NHS: variants seen among roughly 807,000 people sequenced by gnomAD.
NHS encodes actin remodeling regulator NHS.
NHS carries 5 observed loss-of-function variants against 72.5 expected under a neutral mutation model. The observed-to-expected ratio is 0.07, with a 90% CI of 0.04 to 0.14. The LOEUF is 0.14. Ranked by LOEUF, NHS falls within the 10% of genes least tolerant of loss-of-function variation. The pLI is 1.00. For missense variants in NHS, 1,072 were observed against 1,355.7 expected (o/e 0.79, Z 3.29); for synonymous variants, 464 against 547.7 (o/e 0.85, Z 2.13).
chrX:17,395,503 A>G (rs991302486), intron 1 of NHS, among the ~76,000 whole-genome samples: 8 of 112,652 alleles, frequency 7.1e-5, no homozygotes, highest in African/African-American at 2.6e-4. Flanking sequence ...CCTCATGGAC[A>G]CACAAGTTTC....
chrX:17,482,439 C>T, intron 1 of NHS, among the ~76,000 whole-genome samples: 1 of 112,657 alleles, frequency 8.9e-6, no homozygotes, highest in Non-Finnish European at 1.9e-5. Flanking sequence ...ATTTTTCCAA[C>T]CTCCAAAACA....
intron 1 of NHS, among the ~76,000 whole-genome samples, chrX:17,584,995 T>G (rs1330153772): frequency 8.9e-6 from 1 of 111,748 alleles, no homozygotes; most frequent in African/African-American, 3.3e-5. Context: ...TTTATTTATT[T>G]TCGTGAGGAT....
chrX:17,385,680 C>A (rs2064403400), intron 1 of NHS, among the ~76,000 whole-genome samples: 1 of 111,750 alleles, frequency 8.9e-6, no homozygotes, highest in Non-Finnish European at 1.9e-5. Flanking sequence ...AAGCATTTAA[C>A]CACCTTTTAC....
chrX:17,555,178 G>A (rs1387393909), intron 1 of NHS, among the ~76,000 whole-genome samples: 2 of 110,175 alleles, frequency 1.8e-5, no homozygotes, highest in African/African-American at 3.3e-5. Flanking sequence ...GATGCTGAGG[G>A]GGACTGTGTG....
At chrX:17,495,134 C>G (rs769013103) in intron 1 of NHS, among the ~76,000 whole-genome samples, 8 of 111,857 alleles carry the variant, frequency 7.2e-5, no homozygotes, top group Non-Finnish European at 1.5e-4. Flanking sequence ...CTCCTCACCC[C>G]TTGCCTCCAA....
intron 1 of NHS, among the ~76,000 whole-genome samples, chrX:17,428,141 C>T (rs764475009): frequency 3.6e-5 from 4 of 112,375 alleles, no homozygotes; most frequent in Non-Finnish European, 7.5e-5. Flanking sequence ...GATCAGGGTA[C>T]GTGACCTAAC....
chrX:17,396,085 A>G (rs2064473049), intron 1 of NHS, among the ~76,000 whole-genome samples: 1 of 112,118 alleles, frequency 8.9e-6, no homozygotes, highest in Admixed American at 9.5e-5. Flanking sequence ...GTTACCAAAT[A>G]CTGTGCATTT....
At chrX:17,628,099 C>T (rs763592936) in intron 1 of NHS, among the ~76,000 whole-genome samples, 12 of 112,705 alleles carry the variant, frequency 1.1e-4, no homozygotes, top group South Asian at 3.7e-4. Context: ...ACTTGGGGGC[C>T]CACATGGCAG....
intron 3 of NHS, among the ~76,000 whole-genome samples, chrX:17,696,423 T>C (rs1346999651): frequency 1.8e-5 from 2 of 112,100 alleles, no homozygotes; most frequent in African/African-American, 6.5e-5. Flanking sequence ...TGGGTAATTT[T>C]TCTACCTTGT....
intron 1 of NHS, among the ~76,000 whole-genome samples, chrX:17,472,801 G>A (rs1481355334): frequency 1.8e-5 from 2 of 111,915 alleles, no homozygotes; most frequent in Non-Finnish European, 3.8e-5. Flanking sequence ...GAGTGATGTA[G>A]CCACCATGTG....
At chrX:17,470,067 G>A (rs1031904276) in intron 1 of NHS, among the ~76,000 whole-genome samples, 1 of 111,340 alleles carries the variant, frequency 9.0e-6, no homozygotes, top group Non-Finnish European at 1.9e-5. Flanking sequence ...ATTGATGTAC[G>A]TGGGGGGTGC....
At chrX:17,505,600 A>G (rs931525778) in intron 1 of NHS, among the ~76,000 whole-genome samples, 7 of 110,392 alleles carry the variant, frequency 6.3e-5, no homozygotes, top group African/African-American at 2.3e-4. Context: ...TTTAATCTGC[A>G]TAATGAATAG....
chrX:17,642,635 C>T (rs2065887596), intron 1 of NHS, among the ~76,000 whole-genome samples: 2 of 111,614 alleles, frequency 1.8e-5, no homozygotes, highest in Non-Finnish European at 3.8e-5. Flanking sequence ...TTTTTAACCC[C>T]GCTCCATTTC....
At chrX:17,681,518 A>G (rs1234593315) in intron 1 of NHS, among the ~76,000 whole-genome samples, 1 of 111,583 alleles carries the variant, frequency 9.0e-6, no homozygotes, top group African/African-American at 3.3e-5. Flanking sequence ...GGTGACTGGC[A>G]TCAAATGGAG....
rs2066438152 is a variant in NHS at position 17,725,777 on chromosome X, C to G, written c.1671C>G (p.His557Gln). The G allele has an allele frequency of 1.7e-6, 2 of 1,211,693 alleles. No individual in the cohort carries two copies. The highest frequency in any genetic ancestry group is 4.3e-5 in the Admixed American group (2 of 46,066). The change falls in exon 7 of 9, where the codon CAC becomes CAG. Residue 557 changes from histidine (H) to glutamine (Q), a missense_variant. His to Gln is a conservative substitution (Grantham distance 24, BLOSUM62 0). Coordinates refer to ENST00000676302, the MANE Select transcript of NHS (RefSeq NM_001291867.2). ...CAAGCAGCCCGAGTGCCCAGGACCACCAGCCTACTTTGGGCCTGGCCTGCT... is the reference window on the plus strand; with the variant it reads ...CAAGCAGCCCGAGTGCCCAGGACCAGCAGCCTACTTTGGGCCTGGCCTGCT... ...EAPSSPSAQD[H>Q]QPTLGLACSQ...
At chrX:17,642,539 C>G (rs1039505651) in intron 1 of NHS, among the ~76,000 whole-genome samples, 3 of 111,852 alleles carry the variant, frequency 2.7e-5, no homozygotes, top group African/African-American at 9.8e-5. Flanking sequence ...CTGAGACTGT[C>G]ATCTTTTATA....
intron 1 of NHS, among the ~76,000 whole-genome samples, chrX:17,509,206 A>AATTTATTTATTT (rs10691839): frequency 5.4e-4 from 53 of 98,227 alleles, no homozygotes; most frequent in African/African-American, 1.9e-3. Context: ...AGTTACAAGT[A>AATTTATTTATTT]ATTTATTTAT....
At chrX:17,545,169 C>T (rs2065285857) in intron 1 of NHS, among the ~76,000 whole-genome samples, 1 of 112,422 alleles carries the variant, frequency 8.9e-6, no homozygotes, top group Non-Finnish European at 1.9e-5. Flanking sequence ...TGCCCCAAAG[C>T]CTGCATTGAA....
chrX:17,484,199 T>G (rs763560519), intron 1 of NHS, among the ~76,000 whole-genome samples: 1 of 112,548 alleles, frequency 8.9e-6, no homozygotes, highest in Non-Finnish European at 1.9e-5. Context: ...TTGAACATGC[T>G]TCTTTGTCCC....
Sources: allele counts gnomAD v4.1 joint callset (sites outside exome capture counted in the v4.1 genomes callset), GRCh38; gene constraint gnomAD v4.1.1; transcripts MANE v1.5; gene names NCBI Gene and HGNC (gene_info 2026-07-23, HGNC 2026-07-21).